The following TMEM132A variants were observed in gnomAD, a reference collection of about 807,000 sequenced individuals.
TMEM132A encodes GRP78-binding protein.
In TMEM132A, 48 loss-of-function variants were observed where a neutral mutation model predicts 69.9. That is an observed-to-expected ratio of 0.69 (90% CI 0.55 to 0.87). TMEM132A has a LOEUF of 0.87. Among genes scored for constraint, TMEM132A ranks in the 40% least tolerant of loss-of-function variants. The pLI is 0.00. For missense variants in TMEM132A, 1,287 were observed against 1,407.2 expected (o/e 0.91, Z 1.37); for synonymous variants, 577 against 613.7 (o/e 0.94, Z 0.88).
At position 60,928,880 on chromosome 11, in the gene TMEM132A, C is replaced by T. The variant is rs1323283172; in HGVS notation, c.786C>T (p.Asp262=). The T allele has an allele frequency of 1.2e-6, 2 of 1,612,854 alleles. No homozygotes were observed. The highest frequency in any genetic ancestry group is 2.2e-5 in the South Asian group (2 of 91,086). Residue 262 remains aspartate (D), a synonymous_variant, in exon 4 of 11, where the codon GAC becomes GAT. Coordinates refer to ENST00000453848, the MANE Select transcript of TMEM132A (RefSeq NM_178031.3). ...LDEAVTLRVP[D]MPVRPGQLFS... is the part of the protein sequence containing the mutation. ...AGGCTGTGACTCTGCGGGTGCCTGA[C>T]ATGCCAGTGCGGCCCGGCCAGCTCT...
chr11:60,933,728 C>A lies in TMEM132A; in HGVS notation c.1543C>A (p.Pro515Thr). Reference sequence around the variant, plus strand: ...CGAGCAGGTCCGCGGCTGGAGGGTACCTGGCCCTGCTGAAGGGTGAGTGGA... The same window carrying A: ...CGAGCAGGTCCGCGGCTGGAGGGTAACTGGCCCTGCTGAAGGGTGAGTGGA... ...TLEQVRGWRV[P>T]GPAEGPAEPA... The change falls in exon 8 of 11, where the codon CCT becomes ACT. Residue 515 changes from proline to threonine, a missense_variant. Pro to Thr is a conservative substitution (Grantham distance 38). Transcript: ENST00000453848. The A allele has an allele frequency of 6.3e-7, 1 of 1,581,184 alleles. No homozygotes were observed. The highest frequency in any genetic ancestry group is 8.6e-7 in the Non-Finnish European group (1 of 1,164,960).
At position 60,935,052 on chromosome 11, in the gene TMEM132A, C is replaced by T. The variant is rs530451860; in HGVS notation, c.1837-200C>T. Among the ~76,000 whole-genome samples, 15 of 152,178 alleles carry T rather than the reference C, an allele frequency of 9.9e-5. No individual in the cohort carries two copies. The highest frequency in any genetic ancestry group is 3.4e-3 in the Middle Eastern group (1 of 294). The stretch of plus-strand genomic sequence containing the variant: ...GTGGGATTGGGGTCCAGGTATGCAC[C>T]GGGGTGCAAAGAGTAGAGGGATAGT... On this transcript the variant is annotated intron_variant, in intron 9 of 10. Transcript: ENST00000453848. The surrounding 1 kb of genome is among the most constrained non-coding windows in gnomAD (Gnocchi z 5.0).
intron 1 of TMEM132A, chr11:60,925,449 G>C (rs1364091181): frequency 1.3e-5 from 2 of 152,340 alleles, no homozygotes; most frequent in African/African-American, 4.8e-5. Flanking sequence ...GGTGATGGGA[G>C]TCCGTGGGAG....
Position 60,924,581 on chromosome 11 carries a change from C to A in TMEM132A, c.-53C>A, listed in dbSNP as rs1856308854. ...CGGAGCGGGTGCGGGAGATGCCGTG[C>A]GGGACTGGGGCCACCTGAGCCGCCC... On this transcript the variant is annotated 5_prime_UTR_variant, in exon 1 of 11. The change creates a premature stop within an existing upstream ORF in the 5' untranslated region. Coordinates refer to ENST00000453848, the MANE Select transcript of TMEM132A (RefSeq NM_178031.3). 4 of 1,439,312 alleles carry A rather than the reference C, an allele frequency of 2.8e-6. No individual in the cohort carries two copies. The highest frequency in any genetic ancestry group is 3.7e-6 in the Non-Finnish European group (4 of 1,068,872). The allele number at this position is 1,439,312 out of a possible 1,614,324, so 89.2% of individuals were successfully genotyped here.
intron 7 of TMEM132A, 131 bp from the exon 8 acceptor site, chr11:60,933,411 T>C: frequency 1.5e-6 from 1 of 689,394 alleles, no homozygotes; most frequent in Non-Finnish European, 2.4e-6. Flanking sequence ...CTCAAACTCC[T>C]GGACTCAAGC....
At chr11:60,934,064 T>G (rs1426604950) in intron 8 of TMEM132A, 2 of 459,384 alleles carry the variant, frequency 4.4e-6, no homozygotes, top group Non-Finnish European at 7.7e-6. Context: ...CCCTTGAAGC[T>G]GCGGTCTGTC....
At chr11:60,934,903 G>A in intron 9 of TMEM132A, 139 bp downstream of exon 9, 1 of 935,712 alleles carries the variant, frequency 1.1e-6, no homozygotes, top group Non-Finnish European at 1.6e-6. Flanking sequence ...TGAGTGCAGT[G>A]GGATTGGGGA....
At chr11:60,930,473 G>A in intron 4 of TMEM132A, 37 bp from the exon 5 acceptor site, 1 of 1,556,460 alleles carries the variant, frequency 6.4e-7, no homozygotes. Flanking sequence ...AGTTCAGCAT[G>A]CACCTTGCCA....
Position 60,935,002 on chromosome 11 carries a change from G to C in TMEM132A, c.1836+238G>C, listed in dbSNP as rs544687702. 3.7e-4 allele frequency among the ~76,000 whole-genome samples: 57 copies of C among 152,268 alleles called. 1 individual carries two copies. In the East Asian group the frequency reaches 0.01, roughly 27 times the overall value. On this transcript the variant is annotated intron_variant, in intron 9 of 10. Coordinates refer to ENST00000453848, the MANE Select transcript of TMEM132A (RefSeq NM_178031.3). The surrounding 1 kb of genome is among the most constrained non-coding windows in gnomAD (Gnocchi z 5.0). The stretch of plus-strand genomic sequence containing the variant: ...GGGTAGTGTGGGGACCGGGTCTTGA[G>C]GGAAAAGGGAACTGCCCCCTAGGTG...
At chr11:60,925,704 C>CT (rs1250778722) in intron 1 of TMEM132A, 1 of 152,270 alleles carries the variant, frequency 6.6e-6, no homozygotes, top group African/African-American at 2.4e-5. Flanking sequence ...TTTCAGCCAC[C>CT]TGCTCCCCAT....
chr11:60,926,929 GAGA>G (rs1303142649), intron 1 of TMEM132A: 2 of 535,174 alleles, frequency 3.7e-6, no homozygotes, highest in African/African-American at 3.8e-5. Flanking sequence ...GGCTGTTGGC[GAGA>G]AGAAGGCCAA....
rs373433085 is a variant in TMEM132A, at chr11:60,927,430, G to A, written c.315+12G>A. ...TTGCCACTCAGCAGGTAAGGAGGGG[G>A]CACCGGGGACTCTCAGGCTAACAGG... On this transcript the variant is annotated intron_variant, in intron 2 of 10. Coordinates refer to ENST00000453848, the MANE Select transcript of TMEM132A (RefSeq NM_178031.3). 7 of 1,604,456 alleles carry A rather than the reference G, an allele frequency of 4.4e-6. No homozygotes were observed. The highest frequency in any genetic ancestry group is 1.3e-5 in the African/African-American group (1 of 74,704).
chr11:60,929,338 G>A (rs1445570456), intron 4 of TMEM132A, among the ~76,000 whole-genome samples: 1 of 152,208 alleles, frequency 6.6e-6, no homozygotes, highest in South Asian at 2.1e-4. Flanking sequence ...AGGGATATTT[G>A]CCCCAATCAC....
chr11:60,932,228 GCTT>G, intron 7 of TMEM132A, 101 bp downstream of exon 7: 3 of 1,379,154 alleles, frequency 2.2e-6, no homozygotes, highest in Non-Finnish European at 2.9e-6. Flanking sequence ...CAAGAGAACA[GCTT>G]CTTCTTGAGA....
chr11:60,933,926 A>G (rs1856535560), intron 8 of TMEM132A, 182 bp downstream of exon 8: 1 of 600,788 alleles, frequency 1.7e-6, no homozygotes, highest in Non-Finnish European at 2.9e-6. Context: ...GAAATTGCTG[A>G]CTTCCGCATC....
At position 60,933,596 on chromosome 11, in the gene TMEM132A, CG is replaced by C. The variant is rs773292133; in HGVS notation, c.1417del (p.Val473CysfsTer16). The C allele has an allele frequency of 1.2e-6, 2 of 1,607,218 alleles. No homozygotes were observed. On this transcript the variant is annotated frameshift_variant, in exon 8 of 11. Coordinates refer to ENST00000453848, the MANE Select transcript of TMEM132A (RefSeq NM_178031.3). LOFTEE classifies it high-confidence loss of function. ...GGCTGGCAAGGAGAGCCGGGGCGCC[CG>C]GGGGGTGCGAGTGGACTTCTGGTGG... ...FVAGKESRGA[R>X]GVRVDFWWRR...
chr11:60,936,563 G>A lies in TMEM132A; in HGVS notation c.2728G>A (p.Asp910Asn), dbSNP rs1327203230. The change falls in exon 11 of 11, where the codon GAC becomes AAC. Residue 910 changes from aspartate to asparagine, a missense_variant. Coordinates refer to ENST00000453848, the MANE Select transcript of TMEM132A (RefSeq NM_178031.3). The stretch of plus-strand genomic sequence containing the variant: ...CCAGGAGGAACTGAGCCGCCAGCTG[G>A]ACCGGCAGTCCCCTGGCCCGCCCAA... ...TDQEELSRQL[D>N]RQSPGPPKGE... 3 of 1,609,858 alleles carry A rather than the reference G, an allele frequency of 1.9e-6. No homozygotes were observed. The highest frequency in any genetic ancestry group is 1.1e-5 in the South Asian group (1 of 90,976).
chr11:60,934,556 A>C lies in TMEM132A; in HGVS notation c.1628A>C (p.Tyr543Ser). The C allele has an allele frequency of 6.6e-7, 1 of 1,520,060 alleles. No individual in the cohort carries two copies. The highest frequency in any genetic ancestry group is 8.8e-7 in the Non-Finnish European group (1 of 1,141,924). 94.2% of individuals were successfully genotyped at this position (1,520,060 alleles called of 1,614,324 possible). A position where few individuals can be genotyped will look rare whatever the true frequency, so the allele number is the denominator to read the frequency against. The change falls in exon 9 of 11, where the codon TAC (tyrosine) becomes TCC (serine). Residue 543 changes from tyrosine (Y) to serine (S), a missense_variant. Tyr to Ser is a moderately radical substitution (Grantham distance 144). Coordinates refer to ENST00000453848, the MANE Select transcript of TMEM132A (RefSeq NM_178031.3). ...CGCGCCCGTGGCTGCCACCTGCAGT[A>C]CCAGCGGGCCGGTGTGCGCTTCCTC... Reference protein sequence around the residue: ...ERRARGCHLQYQRAGVRFLAP... With the variant: ...ERRARGCHLQSQRAGVRFLAP...
At chr11:60,929,007 G>A (rs1203347402) in intron 4 of TMEM132A, 47 bp downstream of exon 4, 2 of 1,589,890 alleles carry the variant, frequency 1.3e-6, no homozygotes, top group Non-Finnish European at 1.7e-6. Flanking sequence ...ACCTCTGTGG[G>A]AAGACTAGGG....
Sources: allele counts gnomAD v4.1 joint callset (sites outside exome capture counted in the v4.1 genomes callset), GRCh38; gene constraint gnomAD v4.1.1; non-coding constraint Gnocchi (gnomAD v3.1); transcripts MANE v1.5; gene names NCBI Gene and HGNC (gene_info 2026-07-23, HGNC 2026-07-21).